The following USP24 variants were observed in gnomAD, a reference collection of about 807,000 sequenced individuals.
The protein encoded by USP24 is ubiquitin carboxyl-terminal hydrolase 24.
USP24 carries 97 observed loss-of-function variants against 361.6 expected under a neutral mutation model. That is an observed-to-expected ratio of 0.27 (90% CI 0.23 to 0.32). The LOEUF (loss-of-function observed/expected upper bound fraction) is 0.32, where lower values mean the gene tolerates loss of function less well. Among genes scored for constraint, USP24 ranks in the 10% least tolerant of loss-of-function variants. The pLI is 1.00. For synonymous variants in USP24, 1,098 were observed against 1,124.6 expected (o/e 0.98, Z 0.47); for missense variants, 2,353 against 3,165.6 (o/e 0.74, Z 6.16).
In USP24 at chr1:55,089,703, A is replaced by G; in HGVS notation, c.6592T>C (p.Leu2198=). ...TEEWIATIEA[L]LSKSFDACQW... ...CAAGCATCAAAACTTTTTGAAAGCAATGCTTCAATGGTAGCAATCCATTCT... is the reference window on the plus strand; with the variant it reads ...CAAGCATCAAAACTTTTTGAAAGCAGTGCTTCAATGGTAGCAATCCATTCT... Residue 2198 remains leucine (L), a synonymous_variant, in exon 55 of 68, where the codon TTG becomes CTG. Transcript: ENST00000294383. 6.2e-7 allele frequency: 1 copy of G among 1,604,224 alleles called. No homozygotes were observed. Among genetic ancestry groups the G allele is most frequent in the East Asian group, 2.2e-5 (1 of 44,728 alleles).
chr1:55,153,797 T>C, intron 16 of USP24, 73 bp downstream of exon 16: 1 of 1,351,118 alleles, frequency 7.4e-7, no homozygotes, highest in Non-Finnish European at 1.0e-6. Context: ...TATTTTAAAA[T>C]TGTGGTGTAA....
chr1:55,083,740 T>C (rs1645196833), intron 57 of USP24, 32 bp downstream of exon 57: 3 of 1,496,674 alleles, frequency 2.0e-6, no homozygotes, highest in Admixed American at 2.1e-5. Context: ...TCTTCTGTAT[T>C]AGGAAAAGAT....
chr1:55,107,167 C>T, intron 40 of USP24, 72 bp downstream of exon 40: 3 of 1,481,728 alleles, frequency 2.0e-6, no homozygotes, highest in Non-Finnish European at 2.7e-6. Context: ...CTTATTTTCC[C>T]ACTTACACAC....
chr1:55,119,385 A>G (rs568906792), intron 38 of USP24, among the ~76,000 whole-genome samples: 9 of 152,130 alleles, frequency 5.9e-5, no homozygotes, highest in Non-Finnish European at 1.2e-4. Flanking sequence ...TAGAGACAGA[A>G]AGTAGAATGG....
chr1:55,206,930 G>A (rs1389824076), intron 1 of USP24, among the ~76,000 whole-genome samples: 1 of 152,134 alleles, frequency 6.6e-6, no homozygotes, highest in African/African-American at 2.4e-5. Flanking sequence ...ACTTGAGGAG[G>A]CTGAGGCAGG....
chr1:55,073,635 C>G (rs746798472), intron 64 of USP24, among the ~76,000 whole-genome samples, 193 bp downstream of exon 64: 2 of 152,178 alleles, frequency 1.3e-5, no homozygotes, highest in Non-Finnish European at 2.9e-5. Context: ...CTATAAAGAT[C>G]TGTCACTCTT....
chr1:55,156,744 A>C (rs1390071256), intron 12 of USP24, among the ~76,000 whole-genome samples: 6 of 152,190 alleles, frequency 3.9e-5, no homozygotes, highest in Non-Finnish European at 7.3e-5. Flanking sequence ...AGACCAGACT[A>C]GATCAGCAGT....
chr1:55,168,200 T>C (rs1049588607), intron 5 of USP24, among the ~76,000 whole-genome samples: 4 of 151,954 alleles, frequency 2.6e-5, no homozygotes, highest in African/African-American at 7.3e-5. Flanking sequence ...GTGCTGTTGA[T>C]GGGGGTCAAG....
chr1:55,078,744 T>G, intron 60 of USP24, 93 bp from the exon 61 acceptor site: 2 of 923,128 alleles, frequency 2.2e-6, no homozygotes, highest in Non-Finnish European at 1.6e-6. Flanking sequence ...TACCCAGATT[T>G]TAAGATAATT....
chr1:55,100,419 C>T (rs1293529751), intron 44 of USP24, among the ~76,000 whole-genome samples: 1 of 151,644 alleles, frequency 6.6e-6, no homozygotes, highest in African/African-American at 2.4e-5. Context: ...TCGCTTGAAC[C>T]CAGGAGGTGG....
intron 7 of USP24, 99 bp from the exon 8 acceptor site, chr1:55,162,363 T>C (rs1239302153): frequency 1.9e-6 from 2 of 1,047,238 alleles, no homozygotes; most frequent in Non-Finnish European, 2.6e-6. Flanking sequence ...AAAGTTTAAA[T>C]AGTGAGTTGA....
chr1:55,101,809 T>A lies in USP24; in HGVS notation c.5026-106A>T, dbSNP rs1645642032. 4.4e-6 allele frequency: 6 copies of A among 1,363,126 alleles called. No individual in the cohort carries two copies. The South Asian group carries it at 8.5e-5, about 19-fold the overall frequency. 84.4% of individuals were successfully genotyped at this position (1,363,126 alleles called of 1,614,324 possible). A position where few individuals can be genotyped will look rare whatever the true frequency, so the allele number is the denominator to read the frequency against. On this transcript the variant is annotated intron_variant, in intron 42 of 67. Transcript: ENST00000294383. ...GGAGATATATTCACAGATTTACCCA[T>A]CCAGCATGTTATGAAAGCTATGCTG...
At position 55,097,724 on chromosome 1, in the gene USP24, A is replaced by G. The variant is rs765662455; in HGVS notation, c.5596-7T>C. 5.9e-6 allele frequency: 8 copies of G among 1,356,660 alleles called. No homozygotes were observed. In the Admixed American group the frequency reaches 1.1e-4, roughly 19 times the overall value. The allele number at this position is 1,356,660 out of a possible 1,614,324, so 84.0% of individuals were successfully genotyped here. On this transcript the variant is annotated splice_polypyrimidine_tract_variant and splice_region_variant and intron_variant, in intron 47 of 67. Transcript: ENST00000294383. The stretch of plus-strand genomic sequence containing the variant: ...TCCTTTTCACTGTTATTCTCTAAAG[A>G]AAAAAAAAAGGAAAAAGAGCAAATC...
intron 67 of USP24, among the ~76,000 whole-genome samples, chr1:55,069,312 G>A (rs1389696723): frequency 3.3e-5 from 5 of 152,170 alleles, no homozygotes; most frequent in Non-Finnish European, 7.3e-5. Flanking sequence ...ATCTCATTTA[G>A]TCAGTGAAAC....
At chr1:55,107,974 T>C (rs556399535) in intron 39 of USP24, among the ~76,000 whole-genome samples, 14 of 152,162 alleles carry the variant, frequency 9.2e-5, no homozygotes, top group African/African-American at 3.4e-4. Context: ...TTGCCTCCTC[T>C]GTGCAGGTCA....
chr1:55,147,452 CAAA>C (rs937835660), intron 18 of USP24, among the ~76,000 whole-genome samples, 194 bp downstream of exon 18: 1 of 151,552 alleles, frequency 6.6e-6, no homozygotes, highest in African/African-American at 2.4e-5. Context: ...AGATCAAAGA[CAAA>C]AAAAAGATGT....
intron 55 of USP24, chr1:55,086,408 C>T: frequency 4.3e-6 from 1 of 231,734 alleles, no homozygotes; most frequent in South Asian, 7.6e-5. Context: ...GGGAGCTCTA[C>T]AGAGCAAACA....
At chr1:55,205,358 G>A (rs1644679171) in intron 1 of USP24, among the ~76,000 whole-genome samples, 1 of 152,156 alleles carries the variant, frequency 6.6e-6, no homozygotes, top group Non-Finnish European at 1.5e-5. Context: ...GGAGCATGCA[G>A]AAAAGAACAG....
At chr1:55,209,170 C>T (rs1414027215) in intron 1 of USP24, among the ~76,000 whole-genome samples, 2 of 151,932 alleles carry the variant, frequency 1.3e-5, no homozygotes, top group East Asian at 1.9e-4. Context: ...CTCTCTTAGT[C>T]GTACCTCTGC....
Sources: gnomAD v4.1 joint callset for allele counts (sites outside exome capture counted in the v4.1 genomes callset) on GRCh38, gnomAD v4.1.1 for gene constraint, MANE v1.5 for transcripts, NCBI Gene and HGNC (gene_info 2026-07-23, HGNC 2026-07-21) for gene names.